SIGLEC6: variants seen among roughly 807,000 people sequenced by gnomAD.
SIGLEC6 encodes sialic acid-binding Ig-like lectin 6.
SIGLEC6 carries 31 observed loss-of-function variants against 41.4 expected under a neutral mutation model. The ratio of observed to expected loss-of-function variants is 0.75; its 90% confidence interval spans 0.56 to 1.01. SIGLEC6 has a LOEUF of 1.01. Among genes scored for constraint, SIGLEC6 ranks in the 50% least tolerant of loss-of-function variants. SIGLEC6 has a pLI of 0.00. For synonymous variants in SIGLEC6, 217 were observed against 231.0 expected, an observed-to-expected ratio of 0.94 and a Z score of 0.55; for missense variants, 555 against 558.6, an observed-to-expected ratio of 0.99 and a Z score of 0.06.
chr19:51,529,594 G>A (rs1979835313), intron 5 of SIGLEC6, 130 bp downstream of exon 5: 2 of 1,174,250 alleles, frequency 1.7e-6, no homozygotes, highest in Non-Finnish European at 2.4e-6. Context: ...GCCTCCCAGA[G>A]GTAGGAGGGT....
chr19:51,529,986 G>T lies in SIGLEC6; in HGVS notation c.755-5C>A, dbSNP rs200839137. 13 of 1,579,590 alleles carry T rather than the reference G, an allele frequency of 8.2e-6. No homozygotes were observed. In the Admixed American group the frequency reaches 1.2e-4, roughly 15 times the overall value. On this transcript the variant is annotated splice_region_variant and splice_polypyrimidine_tract_variant and intron_variant, in intron 4 of 7. Coordinates refer to ENST00000425629, the MANE Select transcript of SIGLEC6 (RefSeq NM_001245.7). ...TGTTTTGCAGGATTTTGAAGGCTTT[G>T]GGGAGAGAGGTGTAGAGAGTTAGAG...
chr19:51,520,067 G>A lies in SIGLEC6; in HGVS notation c.*15C>T, dbSNP rs1422986756. Reference sequence around the variant, plus strand: ...CATGTTCTCTCCAATCAAGGTTATGGCTTTGGACAATTCCTCACTTGTGTA... The same window carrying A: ...CATGTTCTCTCCAATCAAGGTTATGACTTTGGACAATTCCTCACTTGTGTA... On this transcript the variant is annotated 3_prime_UTR_variant, in exon 8 of 8. Coordinates refer to ENST00000425629, the MANE Select transcript of SIGLEC6 (RefSeq NM_001245.7). The A allele has an allele frequency of 6.5e-7, 1 of 1,539,116 alleles. No individual in the cohort carries two copies. The highest frequency in any genetic ancestry group is 2.3e-5 in the East Asian group (1 of 43,474).
intron 7 of SIGLEC6, among the ~76,000 whole-genome samples, chr19:51,523,204 AG>A (rs1446714858): frequency 6.6e-6 from 1 of 152,210 alleles, no homozygotes; most frequent in Non-Finnish European, 1.5e-5. Context: ...TAAAAAGAAA[AG>A]CTAATAGCAG....
At chr19:51,520,765 A>G (rs768424223) in intron 7 of SIGLEC6, among the ~76,000 whole-genome samples, 2 of 152,220 alleles carry the variant, frequency 1.3e-5, no homozygotes, top group Non-Finnish European at 2.9e-5. Context: ...TTCTCAAAAA[A>G]TGCTTTGCAG....
At chr19:51,527,397 C>A (rs779074751) in intron 7 of SIGLEC6, among the ~76,000 whole-genome samples, 8 of 152,162 alleles carry the variant, frequency 5.3e-5, no homozygotes, top group Non-Finnish European at 8.8e-5. Flanking sequence ...CTTAATGCAC[C>A]TGACACAGAC....
At position 51,527,818 on chromosome 19, in the gene SIGLEC6, T is replaced by C. The variant is rs543320503; in HGVS notation, c.1117A>G (p.Arg373Gly). The C allele has an allele frequency of 8.9e-5, 143 of 1,614,094 alleles. 2 individuals carry two copies. The South Asian group carries it at 1.5e-3, about 17-fold the overall frequency. Residue 373 changes from arginine (R) to glycine (G), a missense_variant, in exon 7 of 8, where the codon AGA (arginine) becomes GGA (glycine). Physicochemically the swap from Arg to Gly is moderately radical, Grantham distance 125. Coordinates refer to ENST00000425629, the MANE Select transcript of SIGLEC6 (RefSeq NM_001245.7). ...CVCFIFRVKT[R>G]RKKAAQPVQN... Reference sequence around the variant, plus strand: ...ACTGGCTGGGCTGCTTTCTTCCTTCTAGTCTTCACTCTGAGGGAACAGCCC... The same window carrying C: ...ACTGGCTGGGCTGCTTTCTTCCTTCCAGTCTTCACTCTGAGGGAACAGCCC...
chr19:51,518,288 T>C lies in SIGLEC6; in HGVS notation c.*1794A>G, dbSNP rs1990667562. On this transcript the variant is annotated 3_prime_UTR_variant, in exon 8 of 8. Coordinates refer to ENST00000425629, the MANE Select transcript of SIGLEC6 (RefSeq NM_001245.7). ...ATTGCATTTAGCCTTCCAATATTGC[T>C]CCTAAAAAAGTCAGCTGTCAGTCTA... Among the ~76,000 whole-genome samples the C allele has an allele frequency of 6.6e-6, 1 of 152,208 alleles. No homozygotes were observed. Among genetic ancestry groups the C allele is most frequent in the Admixed American group, 6.5e-5 (1 of 15,282 alleles).
rs987450997 is a variant in SIGLEC6, at chr19:51,519,856, G to A, written c.*226C>T. On this transcript the variant is annotated 3_prime_UTR_variant, in exon 8 of 8. Transcript: ENST00000425629. ...ACACTCAGAGGAAAGACCATGTGAA[G>A]ACACAAGGAGGAGACAGCCATCTAC... 1.7e-5 allele frequency: 5 copies of A among 301,890 alleles called. No individual in the cohort carries two copies. The highest frequency in any genetic ancestry group is 1.1e-4 in the African/African-American group (5 of 46,784). The allele number at this position is 301,890 out of a possible 1,614,324, so 18.7% of individuals were successfully genotyped here.
At position 51,531,639 on chromosome 19, in the gene SIGLEC6, C is replaced by A; in HGVS notation, c.10G>T (p.Ala4Ser). ...ATCTCTGAGGCGGAGGCTTCCTGGG[C>A]TCCCTGCATGAGCAGAGAAGGGGAA... MQG[A>S]QEASASEMLP... The change falls in exon 1 of 8, where the codon GCC becomes TCC. Residue 4 changes from alanine (A) to serine (S), a missense_variant. Transcript: ENST00000425629. The A allele has an allele frequency of 6.2e-7, 1 of 1,605,914 alleles. No individual in the cohort carries two copies. Among genetic ancestry groups the A allele is most frequent in the Non-Finnish European group, 8.5e-7 (1 of 1,176,200 alleles).
Position 51,530,483 on chromosome 19 carries a change from A to G in SIGLEC6, c.708T>C (p.Tyr236=), listed in dbSNP as rs568458990. 6.2e-7 allele frequency: 1 copy of G among 1,614,142 alleles called. No individual in the cohort carries two copies. Among genetic ancestry groups the G allele is most frequent in the South Asian group, 1.1e-5 (1 of 91,088 alleles). The change falls in exon 4 of 8, where the codon TAT becomes TAC. Residue 236 remains tyrosine (Y), a splice_region_variant and synonymous_variant. Transcript: ENST00000425629. The part of the protein sequence containing the change: ...MERTIQLNVS[Y]APQKVAISIF... ...TGCTGATGGCCACTTTCTGTGGAGC[A>G]TCTGGGGTGGAAAGAGGTGGCCGCC...
rs1980150844 is a variant in SIGLEC6, at chr19:51,530,770, G to A, written c.617C>T (p.Pro206Leu). The change falls in exon 3 of 8, where the codon CCC (proline) becomes CTC (leucine). Residue 206 changes from proline (P) to leucine (L), a missense_variant. Transcript: ENST00000425629. ...GGTGAGGTTGGTGCTGTGGTCCTGG[G>A]GCCGTGGGGTGATTGTGAGCACCGA... is the stretch of plus-strand genomic sequence containing the variant. The part of the protein sequence containing the change: ...QSSVLTITPR[P>L]QDHSTNLTCQ... The A allele has an allele frequency of 1.9e-6, 3 of 1,614,004 alleles. No individual in the cohort carries two copies. The highest frequency in any genetic ancestry group is 1.7e-6 in the Non-Finnish European group (2 of 1,180,016).
chr19:51,530,512 A>T, intron 3 of SIGLEC6, 28 bp from the exon 4 acceptor site: 1 of 1,613,896 alleles, frequency 6.2e-7, no homozygotes, highest in Non-Finnish European at 8.5e-7. Flanking sequence ...GGCCGCCTCA[A>T]CATCCCTGAG....
At chr19:51,527,355 C>T (rs1979403396) in intron 7 of SIGLEC6, among the ~76,000 whole-genome samples, 4 of 152,300 alleles carry the variant, frequency 2.6e-5, no homozygotes, top group East Asian at 1.9e-4. Flanking sequence ...GGGCTGTCTA[C>T]TCTAGGGCTT....
chr19:51,526,735 A>G (rs1175529793), intron 7 of SIGLEC6, among the ~76,000 whole-genome samples: 1 of 152,220 alleles, frequency 6.6e-6, no homozygotes, highest in African/African-American at 2.4e-5. Flanking sequence ...CAGAATCTGG[A>G]TGACAATCAA....
At position 51,519,553 on chromosome 19, in the gene SIGLEC6, C is replaced by G. The variant is rs1990743718; in HGVS notation, c.*529G>C. 6.6e-6 allele frequency: 1 copy of G among 152,132 alleles called. No individual in the cohort carries two copies. Among genetic ancestry groups the G allele is most frequent in the South Asian group, 2.1e-4 (1 of 4,832 alleles). 9.4% of individuals were successfully genotyped at this position (152,132 alleles called of 1,614,324 possible). ...GGCATAGATGGAGTTGAACTCAGTT[C>G]TCTTGGACAGAAGTCCTGTGGTCTG... On this transcript the variant is annotated 3_prime_UTR_variant, in exon 8 of 8. Transcript: ENST00000425629.
intron 5 of SIGLEC6, chr19:51,529,320 A>T: frequency 4.9e-6 from 1 of 205,958 alleles, no homozygotes; most frequent in Non-Finnish European, 9.9e-6. Context: ...ACAAGGACCC[A>T]GGCTTCTCTT....
At chr19:51,520,277 A>G in intron 7 of SIGLEC6, 22 bp from the exon 8 acceptor site, 1 of 1,534,530 alleles carries the variant, frequency 6.5e-7, no homozygotes, top group Non-Finnish European at 8.9e-7. Context: ...AAAAGAAAAG[A>G]TTCAGGGCTG....
intron 7 of SIGLEC6, among the ~76,000 whole-genome samples, chr19:51,522,570 G>C (rs1978453677): frequency 6.6e-6 from 1 of 152,194 alleles, no homozygotes; most frequent in African/African-American, 2.4e-5. Context: ...AGATTGATTT[G>C]AGCTCAGGAG....
Position 51,520,060 on chromosome 19 carries a change from G to T in SIGLEC6, c.*22C>A, listed in dbSNP as rs1478924609. On this transcript the variant is annotated 3_prime_UTR_variant, in exon 8 of 8. Transcript: ENST00000425629. ...GAGGTACCATGTTCTCTCCAATCAAGGTTATGGCTTTGGACAATTCCTCAC... is the reference window on the plus strand; with the variant it reads ...GAGGTACCATGTTCTCTCCAATCAATGTTATGGCTTTGGACAATTCCTCAC... The T allele has an allele frequency of 6.6e-7, 1 of 1,522,184 alleles. No homozygotes were observed. Among genetic ancestry groups the T allele is most frequent in the Non-Finnish European group, 9.0e-7 (1 of 1,116,566 alleles). 94.3% of individuals were successfully genotyped at this position (1,522,184 alleles called of 1,614,324 possible).
Sources: allele counts gnomAD v4.1 joint callset (sites outside exome capture counted in the v4.1 genomes callset), GRCh38; gene constraint gnomAD v4.1.1; transcripts MANE v1.5; gene names NCBI Gene and HGNC (gene_info 2026-07-23, HGNC 2026-07-21).